The following WDR72 variants were observed in gnomAD, a reference collection of about 807,000 sequenced individuals.
WDR72 encodes the protein WD repeat-containing protein 72.
Under a neutral mutation model 124.2 loss-of-function variants are expected in WDR72, and 120 were observed. The observed-to-expected ratio is 0.97, with a 90% CI of 0.83 to 1.12. The LOEUF (loss-of-function observed/expected upper bound fraction) is 1.12, where lower values mean the gene tolerates loss of function less well. WDR72 is among the 50% of genes most tolerant of loss of function. The probability of loss-of-function intolerance (pLI) is 0.00; values close to 1 mark genes in which losing one functional copy is unlikely to be tolerated. For missense variants in WDR72, 1,387 were observed against 1,278.8 expected (o/e 1.08, Z -1.29); for synonymous variants, 452 against 441.7 (o/e 1.02, Z -0.29).
Position 53,571,216 on chromosome 15 carries a change from T to G in WDR72, c.3148+25863A>C, listed in dbSNP as rs761478310. Among the ~76,000 whole-genome samples the G allele has an allele frequency of 2.6e-5, 4 of 152,056 alleles. No homozygotes were observed. In the East Asian group the frequency reaches 7.7e-4, roughly 29 times the overall value. On this transcript the variant is annotated intron_variant, in intron 18 of 19. Transcript: ENST00000360509. ...GTTTATTACTTGTGTGATAGGATCA[T>G]GAGAAGCCAAACTTAGTATCAAGCA...
chr15:53,592,283 CACTT>C (rs754976344), intron 18 of WDR72, among the ~76,000 whole-genome samples: 2 of 152,000 alleles, frequency 1.3e-5, no homozygotes, highest in Non-Finnish European at 2.9e-5. Context: ...AAGAAGAACT[CACTT>C]ACTCCTGGAG....
At chr15:53,680,216 T>C (rs2016331415) in intron 13 of WDR72, among the ~76,000 whole-genome samples, 1 of 152,230 alleles carries the variant, frequency 6.6e-6, no homozygotes, top group South Asian at 2.1e-4. Flanking sequence ...CTCATGCATT[T>C]AGCTCCTATT....
chr15:53,549,145 C>A (rs1356402228), intron 18 of WDR72, among the ~76,000 whole-genome samples: 6 of 152,170 alleles, frequency 3.9e-5, no homozygotes, highest in Non-Finnish European at 8.8e-5. Flanking sequence ...CAGTACGTCA[C>A]GTACTGTCCA....
At chr15:53,583,305 G>T (rs900559346) in intron 18 of WDR72, among the ~76,000 whole-genome samples, 1 of 151,976 alleles carries the variant, frequency 6.6e-6, no homozygotes, top group Non-Finnish European at 1.5e-5. Flanking sequence ...CGTAGAAAAG[G>T]CATGCTAATC....
At chr15:53,718,112 T>G (rs2017764831) in intron 3 of WDR72, among the ~76,000 whole-genome samples, 1 of 152,190 alleles carries the variant, frequency 6.6e-6, no homozygotes, top group African/African-American at 2.4e-5. Flanking sequence ...ACAAGGTTTT[T>G]GACTCTAGCT....
chr15:53,538,806 G>T (rs1892903466), intron 18 of WDR72, among the ~76,000 whole-genome samples: 1 of 152,032 alleles, frequency 6.6e-6, no homozygotes. Flanking sequence ...ATCACTGCAT[G>T]GTTCTGATCC....
chr15:53,736,733 G>T (rs765173682), intron 1 of WDR72, among the ~76,000 whole-genome samples: 21 of 152,048 alleles, frequency 1.4e-4, no homozygotes, highest in Non-Finnish European at 2.8e-4. Context: ...CACATATTAG[G>T]CAGTGGACAG....
chr15:53,531,622 G>A (rs1175868141), intron 18 of WDR72, among the ~76,000 whole-genome samples: 1 of 151,898 alleles, frequency 6.6e-6, no homozygotes, highest in Non-Finnish European at 1.5e-5. Flanking sequence ...TATAAATAAA[G>A]GATAGGAGAA....
chr15:53,618,482 T>C (rs1238405369), intron 14 of WDR72, among the ~76,000 whole-genome samples: 1 of 152,010 alleles, frequency 6.6e-6, no homozygotes, highest in Non-Finnish European at 1.5e-5. Context: ...TCAATTTTGA[T>C]ACTCTTTTTA....
chr15:53,573,027 C>A (rs1595767952), intron 18 of WDR72, among the ~76,000 whole-genome samples: 2 of 152,150 alleles, frequency 1.3e-5, no homozygotes, highest in East Asian at 3.9e-4. Context: ...GTAGAGGTAT[C>A]AGTATTTCAG....
chr15:53,593,232 G>C (rs1029778501), intron 18 of WDR72, among the ~76,000 whole-genome samples: 2 of 151,958 alleles, frequency 1.3e-5, no homozygotes, highest in Non-Finnish European at 2.9e-5. Flanking sequence ...TATGAGAAAA[G>C]AATAAAAATC....
intron 16 of WDR72, among the ~76,000 whole-genome samples, chr15:53,610,389 G>A (rs964948189): frequency 2.0e-5 from 3 of 151,908 alleles, no homozygotes; most frequent in African/African-American, 7.3e-5. Flanking sequence ...TATTATCTAG[G>A]TGCCAGATCC....
chr15:53,567,084 G>A (rs564514162), intron 18 of WDR72, among the ~76,000 whole-genome samples: 4 of 151,980 alleles, frequency 2.6e-5, no homozygotes, highest in African/African-American at 9.7e-5. Context: ...AGAAGCAGGA[G>A]AGCTGCACTC....
chr15:53,674,938 T>C lies in WDR72; in HGVS notation c.1766-9170A>G, dbSNP rs1180490075. 4.6e-5 allele frequency among the ~76,000 whole-genome samples: 7 copies of C among 151,564 alleles called. No homozygotes were observed. The South Asian group carries it at 1.0e-3, about 23-fold the overall frequency. ...AATAAAGAGGTGTGGCGGGGGACAATTGAAAGAAAAAAAAAGGATTGAAAC... is the reference window on the plus strand; with the variant it reads ...AATAAAGAGGTGTGGCGGGGGACAACTGAAAGAAAAAAAAAGGATTGAAAC... On this transcript the variant is annotated intron_variant, in intron 13 of 19. Transcript: ENST00000360509.
At chr15:53,526,902 C>A (rs557596244) in intron 18 of WDR72, among the ~76,000 whole-genome samples, 117 of 152,092 alleles carry the variant, frequency 7.7e-4, no homozygotes, top group African/African-American at 2.7e-3. Context: ...ACAGTTCTGC[C>A]ACTGAAAGAT....
intron 13 of WDR72, among the ~76,000 whole-genome samples, chr15:53,668,019 T>G (rs114953415): frequency 1.3e-5 from 2 of 152,176 alleles, no homozygotes; most frequent in Non-Finnish European, 2.9e-5. Flanking sequence ...TGACAATGTA[T>G]AGTATTTAAG....
chr15:53,622,122 C>T (rs1211432422), intron 14 of WDR72, among the ~76,000 whole-genome samples: 1 of 151,972 alleles, frequency 6.6e-6, no homozygotes, highest in Non-Finnish European at 1.5e-5. Flanking sequence ...AGTCAAGAAA[C>T]AACAGATAAT....
chr15:53,742,597 A>T (rs2018538576), intron 1 of WDR72, among the ~76,000 whole-genome samples: 2 of 152,174 alleles, frequency 1.3e-5, no homozygotes, highest in South Asian at 4.1e-4. Flanking sequence ...CACTGGAGAA[A>T]ATAAGTGTAC....
chr15:53,521,514 T>TATAG (rs1233688174), intron 19 of WDR72, among the ~76,000 whole-genome samples: 2 of 152,232 alleles, frequency 1.3e-5, no homozygotes, highest in Non-Finnish European at 2.9e-5. Flanking sequence ...ATGTCCGATG[T>TATAG]ATAGAACGGT....
Sources: gnomAD v4.1 joint callset for allele counts (sites outside exome capture counted in the v4.1 genomes callset) on GRCh38, gnomAD v4.1.1 for gene constraint, MANE v1.5 for transcripts, NCBI Gene and HGNC (gene_info 2026-07-23, HGNC 2026-07-21) for gene names.